The following CIB4 variants were observed in gnomAD, a reference collection of about 807,000 sequenced individuals.
CIB4 encodes the protein calcium and integrin binding family member 4.
CIB4 carries 25 observed loss-of-function variants against 25.8 expected under a neutral mutation model. The ratio of observed to expected loss-of-function variants is 0.97; its 90% CI spans 0.71 to 1.35. The LOEUF is 1.35. CIB4 is among the 40% of genes most tolerant of loss of function. CIB4 has a pLI of 0.00. For missense variants in CIB4, 235 were observed against 228.2 expected (o/e 1.03, Z -0.19); for synonymous variants, 75 against 81.4 (o/e 0.92, Z 0.42).
At chr2:26,640,462 T>G in intron 2 of CIB4, 71 bp downstream of exon 2, 1 of 1,505,134 alleles carries the variant, frequency 6.6e-7, no homozygotes, top group Non-Finnish European at 9.2e-7. Flanking sequence ...AGCGTGAGGC[T>G]GTATTAGGGC....
intron 3 of CIB4, among the ~76,000 whole-genome samples, chr2:26,595,791 T>A (rs2148197709): frequency 6.6e-6 from 1 of 152,332 alleles, no homozygotes; most frequent in Admixed American, 6.5e-5. Context: ...ACCAAGCTTC[T>A]TTTCCCTGGG....
intron 4 of CIB4, among the ~76,000 whole-genome samples, chr2:26,588,528 C>T (rs568043625): frequency 2.4e-4 from 36 of 152,330 alleles, no homozygotes; most frequent in African/African-American, 8.4e-4. Context: ...TCAGTCCCCC[C>T]AAAGACTCTG....
chr2:26,629,574 G>A, intron 2 of CIB4, 68 bp from the exon 3 acceptor site: 1 of 1,099,960 alleles, frequency 9.1e-7, no homozygotes, highest in Non-Finnish European at 1.3e-6. Flanking sequence ...CCGGGGAAAG[G>A]AGGCCAGCAA....
chr2:26,589,016 T>C (rs890738380), intron 4 of CIB4, among the ~76,000 whole-genome samples: 8 of 24,620 alleles, frequency 3.2e-4, no homozygotes, highest in South Asian at 2.7e-3. Context: ...TTCTTCTTCT[T>C]CTTCTTCTTC....
chr2:26,605,195 A>G (rs1668864262), intron 3 of CIB4, among the ~76,000 whole-genome samples: 1 of 152,224 alleles, frequency 6.6e-6, no homozygotes. Context: ...GAAAATGAAA[A>G]CATAACATAT....
At chr2:26,624,719 C>A (rs1164165227) in intron 3 of CIB4, among the ~76,000 whole-genome samples, 2 of 113,662 alleles carry the variant, frequency 1.8e-5, no homozygotes, top group Non-Finnish European at 3.3e-5. Flanking sequence ...TGGGACCAGG[C>A]TGGGAAGTTT....
At chr2:26,629,596 G>T in intron 2 of CIB4, 90 bp from the exon 3 acceptor site, 1 of 825,766 alleles carries the variant, frequency 1.2e-6, no homozygotes, top group Non-Finnish European at 2.0e-6. Flanking sequence ...CCTGTCTCCT[G>T]CTGCAAGGGG....
At chr2:26,634,941 G>T (rs149206558) in intron 2 of CIB4, among the ~76,000 whole-genome samples, 3 of 152,220 alleles carry the variant, frequency 2.0e-5, no homozygotes, top group South Asian at 4.1e-4. Context: ...GCTGACCTGC[G>T]CCTGAGACAT....
intron 4 of CIB4, among the ~76,000 whole-genome samples, chr2:26,593,490 G>A (rs1035945755): frequency 1.4e-5 from 2 of 147,526 alleles, no homozygotes; most frequent in East Asian, 3.9e-4. Flanking sequence ...TAGCCTATTG[G>A]TTCTGTTTCT....
intron 3 of CIB4, among the ~76,000 whole-genome samples, chr2:26,622,121 G>A (rs1304624783): frequency 6.6e-6 from 1 of 152,150 alleles, no homozygotes; most frequent in African/African-American, 2.4e-5. Flanking sequence ...AGCATTTTGG[G>A]AGGCCGAGGC....
At chr2:26,582,982 G>A in intron 5 of CIB4, 69 bp from the exon 6 acceptor site, 4 of 1,065,638 alleles carry the variant, frequency 3.8e-6, no homozygotes, top group East Asian at 2.4e-5. Context: ...GCACAGGGTG[G>A]AGGGGGAAAG....
rs115251527 is a variant in CIB4 at position 26,638,091 on chromosome 2, C to G, written c.89+2442G>C. On this transcript the variant is annotated intron_variant, in intron 2 of 6. Coordinates refer to ENST00000288861, the MANE Select transcript of CIB4 (RefSeq NM_001029881.3). ...CAGGGGCAGGCACAGGCCCTTCATGCTCAGGAATGGGTCTCTCAAGAGAAG... is the reference window on the plus strand; with the variant it reads ...CAGGGGCAGGCACAGGCCCTTCATGGTCAGGAATGGGTCTCTCAAGAGAAG... 7.2e-3 allele frequency among the ~76,000 whole-genome samples: 1,090 copies of G among 152,274 alleles called. 12 individuals are homozygous for G. Among genetic ancestry groups the G allele is most frequent in the African/African-American group, 0.024 (992 of 41,552 alleles).
intron 3 of CIB4, among the ~76,000 whole-genome samples, chr2:26,611,738 T>C (rs1668999311): frequency 6.6e-6 from 1 of 152,226 alleles, no homozygotes; most frequent in South Asian, 2.1e-4. Flanking sequence ...GAAAGAATGT[T>C]AATGTCCAGC....
intron 3 of CIB4, among the ~76,000 whole-genome samples, chr2:26,622,158 C>T (rs113345378): frequency 0.029 from 4,394 of 151,982 alleles, 183 homozygotes; most frequent in African/African-American, 0.089. Flanking sequence ...GTCAGGAGTT[C>T]GAGACCAGCC....
intron 3 of CIB4, among the ~76,000 whole-genome samples, chr2:26,598,059 G>T (rs1572547961): frequency 6.6e-6 from 1 of 152,132 alleles, no homozygotes; most frequent in Non-Finnish European, 1.5e-5. Context: ...CAACACTTTG[G>T]CAGGCCGAGA....
chr2:26,599,635 T>G (rs1415739276), intron 3 of CIB4, among the ~76,000 whole-genome samples: 1 of 152,246 alleles, frequency 6.6e-6, no homozygotes, highest in Non-Finnish European at 1.5e-5. Flanking sequence ...AATCAAACAG[T>G]ATTAATTTAT....
At chr2:26,603,698 G>A (rs1359464451) in intron 3 of CIB4, among the ~76,000 whole-genome samples, 1 of 152,162 alleles carries the variant, frequency 6.6e-6, no homozygotes, top group Non-Finnish European at 1.5e-5. Context: ...CCCACAACCA[G>A]TAGAAAAATC....
chr2:26,588,873 G>A (rs1277889447), intron 4 of CIB4, among the ~76,000 whole-genome samples: 1 of 152,214 alleles, frequency 6.6e-6, no homozygotes, highest in Non-Finnish European at 1.5e-5. Context: ...AGAGTGAGCA[G>A]TTGGAGACCA....
intron 3 of CIB4, among the ~76,000 whole-genome samples, chr2:26,596,273 G>T (rs542943502): frequency 6.6e-6 from 1 of 152,286 alleles, no homozygotes; most frequent in East Asian, 1.9e-4. Context: ...ATCGAGGGGG[G>T]TGGCTGCTCC....
Sources: allele counts gnomAD v4.1 joint callset (sites outside exome capture counted in the v4.1 genomes callset), GRCh38; gene constraint gnomAD v4.1.1; transcripts MANE v1.5; gene names NCBI Gene and HGNC (gene_info 2026-07-23, HGNC 2026-07-21).